FOXN4: variants seen among roughly 807,000 people sequenced by gnomAD.
The protein encoded by FOXN4 is forkhead box protein N4.
In FOXN4, 12 loss-of-function variants were observed where a neutral mutation model predicts 45.0. That is an observed-to-expected ratio of 0.27 (90% CI 0.17 to 0.43). FOXN4 has a LOEUF of 0.43. Ranked by LOEUF, FOXN4 falls within the 20% of genes least tolerant of loss-of-function variation. The pLI is 1.00. For missense variants in FOXN4, 560 were observed against 694.9 expected, an observed-to-expected ratio of 0.81 and a Z score of 2.18; for synonymous variants, 297 against 295.0, an observed-to-expected ratio of 1.01 and a Z score of -0.07.
At chr12:109,298,347 T>G (rs1340803689) in intron 2 of FOXN4, among the ~76,000 whole-genome samples, 1 of 151,284 alleles carries the variant, frequency 6.6e-6, no homozygotes, top group Non-Finnish European at 1.5e-5. Context: ...TTTTTTTGTT[T>G]TTTTTTTTTG....
intron 2 of FOXN4, among the ~76,000 whole-genome samples, chr12:109,305,941 G>C (rs1280450402): frequency 1.3e-5 from 2 of 152,070 alleles, no homozygotes; most frequent in African/African-American, 4.8e-5. Flanking sequence ...AGGCCCCCAA[G>C]AAGTTCTCTG....
Position 109,278,423 on chromosome 12 carries a change from C to G in FOXN4, c.*1248G>C, listed in dbSNP as rs2047624295. ...ACATTTGACTAGCTCACTCCCCTGTCTCTCTTCTAACCCAGCTATCTGCGG... is the reference window on the plus strand; with the variant it reads ...ACATTTGACTAGCTCACTCCCCTGTGTCTCTTCTAACCCAGCTATCTGCGG... On this transcript the variant is annotated 3_prime_UTR_variant, in exon 10 of 10. Transcript: ENST00000299162. The G allele has an allele frequency of 1.3e-5, 2 of 152,260 alleles. No homozygotes were observed. The highest frequency in any genetic ancestry group is 2.9e-5 in the Non-Finnish European group (2 of 68,052). 9.4% of individuals were successfully genotyped at this position (152,260 alleles called of 1,614,324 possible). A position where few individuals can be genotyped will look rare whatever the true frequency, so the allele number is the denominator to read the frequency against.
intron 2 of FOXN4, among the ~76,000 whole-genome samples, chr12:109,303,222 C>G (rs368195395): frequency 2.0e-5 from 3 of 152,130 alleles, no homozygotes; most frequent in African/African-American, 7.2e-5. Context: ...ATAAGGTCAC[C>G]TGAGGAGCTG....
In FOXN4 at chr12:109,288,115, C is replaced by T. The variant is rs1362686095; in HGVS notation, c.298G>A (p.Ala100Thr). 6.5e-7 allele frequency: 1 copy of T among 1,546,100 alleles called. No homozygotes were observed. Among genetic ancestry groups the T allele is most frequent in the African/African-American group, 1.4e-5 (1 of 72,860 alleles). Residue 100 changes from alanine to threonine, a missense_variant, in exon 4 of 10, where the codon GCA (alanine) becomes ACA (threonine). Physicochemically the swap from Ala to Thr is moderately conservative, Grantham distance 58 (BLOSUM62 0). Coordinates refer to ENST00000299162, the MANE Select transcript of FOXN4 (RefSeq NM_213596.3). This position sits in a 1 kb window ranked among gnomAD's most constrained non-coding sequence, Gnocchi z 4.3. ...GGCATGCCTCGGGGGGCCATGCCTG[C>T]TGGGCCATGGAGAAGGGGACTTGGA... The part of the protein sequence containing the change: ...ATPSPLLHGP[A>T]GMAPRGMPGL...
intron 2 of FOXN4, among the ~76,000 whole-genome samples, chr12:109,306,430 C>T (rs4766590): frequency 0.52 from 79,003 of 151,950 alleles, 21,183 homozygotes; most frequent in African/African-American, 0.64. Flanking sequence ...TTTTAAGGGG[C>T]GCTTTTAGGC....
intron 3 of FOXN4, among the ~76,000 whole-genome samples, chr12:109,289,594 T>C (rs1382516450): frequency 6.6e-6 from 1 of 152,252 alleles, no homozygotes; most frequent in East Asian, 1.9e-4. Flanking sequence ...TTTGCTATGA[T>C]TGCACCTAAC....
rs762307757 is a variant in FOXN4, at chr12:109,281,758, G to A, written c.943C>T (p.Arg315Trp). ...GGTTCCCCCGGTTTGCCGGGGCGCC[G>A]GCAGCTTTCAGGCCGGTCGGAGATC... ...KLISDRPESCRRPGKPGEPEA... is the reference protein window; with the variant it reads ...KLISDRPESCWRPGKPGEPEA... Residue 315 changes from arginine to tryptophan, a missense_variant, in exon 9 of 10, where the codon CGG becomes TGG. Physicochemically the swap from Arg to Trp is moderately radical, Grantham distance 101 (BLOSUM62 -3). Coordinates refer to ENST00000299162, the MANE Select transcript of FOXN4 (RefSeq NM_213596.3). The A allele has an allele frequency of 7.5e-6, 12 of 1,602,572 alleles. No homozygotes were observed. The highest frequency in any genetic ancestry group is 6.7e-5 in the East Asian group (3 of 44,730).
At chr12:109,283,017 AGTT>A (rs982842105) in intron 8 of FOXN4, among the ~76,000 whole-genome samples, 4 of 151,878 alleles carry the variant, frequency 2.6e-5, no homozygotes, top group Non-Finnish European at 2.9e-5. Flanking sequence ...CCCTGCCTTG[AGTT>A]GTTCATCCCC....
intron 8 of FOXN4, among the ~76,000 whole-genome samples, chr12:109,282,076 C>T (rs2047658761): frequency 6.6e-6 from 1 of 152,204 alleles, no homozygotes; most frequent in Admixed American, 6.5e-5. Context: ...ACATCTCTGC[C>T]CATCTAGCAA....
intron 2 of FOXN4, among the ~76,000 whole-genome samples, chr12:109,296,312 G>C (rs1395292966): frequency 6.6e-6 from 1 of 152,200 alleles, no homozygotes; most frequent in Non-Finnish European, 1.5e-5. Flanking sequence ...TCTCACTCAG[G>C]TGTGGTATGT....
At chr12:109,308,438 ACT>A (rs1491456500) in intron 1 of FOXN4, 114 bp from the exon 2 acceptor site, 23 of 651,302 alleles carry the variant, frequency 3.5e-5, no homozygotes, top group Non-Finnish European at 5.4e-5. Flanking sequence ...CTCACAGAAC[ACT>A]TTTTTTTTCT....
rs368290489 is a variant in FOXN4, at chr12:109,279,737, T to A, written c.1488A>T (p.Ala496=). ...ACTGGGAGGAGGAGCTGGTGCCCGA[T>A]GCAGCCACACTGTCCGGAGTGGAGT... ...TAYSTPDSVA[A]SGTSSSSQYL... Residue 496 remains alanine (A), a synonymous_variant, in exon 10 of 10, where the codon GCA becomes GCT. Transcript: ENST00000299162. 6 of 1,583,048 alleles carry A rather than the reference T, an allele frequency of 3.8e-6. No homozygotes were observed. Among genetic ancestry groups the A allele is most frequent in the Non-Finnish European group, 5.1e-6 (6 of 1,165,070 alleles).
Position 109,291,352 on chromosome 12 carries a change from C to T in FOXN4, c.87-1066G>A, listed in dbSNP as rs2047766650. On this transcript the variant is annotated intron_variant, in intron 2 of 9. Coordinates refer to ENST00000299162, the MANE Select transcript of FOXN4 (RefSeq NM_213596.3). The surrounding 1 kb of genome is among the most constrained non-coding windows in gnomAD (Gnocchi z 6.6). ...CACACGCCCGACTCCACCACATCTG[C>T]CACCCCTGTAGCCAGGGGCTTTCTG... Among the ~76,000 whole-genome samples the T allele has an allele frequency of 2.0e-5, 3 of 152,150 alleles. No homozygotes were observed. Among genetic ancestry groups the T allele is most frequent in the Admixed American group, 6.5e-5 (1 of 15,282 alleles).
intron 2 of FOXN4, among the ~76,000 whole-genome samples, chr12:109,306,113 C>T (rs2047919888): frequency 6.6e-6 from 1 of 152,184 alleles, no homozygotes; most frequent in Non-Finnish European, 1.5e-5. Context: ...TTCTCCCACC[C>T]TCCAAGTTCC....
At position 109,281,493 on chromosome 12, in the gene FOXN4, G is replaced by A. The variant is rs867172117; in HGVS notation, c.1208C>T (p.Ala403Val). ...SPLPHPAMGR[A>V]PVDFINISTD... The stretch of plus-strand genomic sequence containing the variant: ...GCTGATGTTGATGAAGTCTACAGGA[G>A]CCCTTCCCATGGCGGGGTGGGGGAG... Residue 403 changes from alanine (A) to valine (V), a missense_variant, in exon 9 of 10, where the codon GCT becomes GTT. Ala to Val is a moderately conservative substitution (Grantham distance 64). This residue lies in a region of FOXN4 where 315 missense variants were observed against 350.5 expected (regional missense o/e 0.90). Coordinates refer to ENST00000299162, the MANE Select transcript of FOXN4 (RefSeq NM_213596.3). The A allele has an allele frequency of 3.7e-6, 6 of 1,613,868 alleles. No homozygotes were observed. The highest frequency in any genetic ancestry group is 2.7e-5 in the African/African-American group (2 of 74,942).
chr12:109,286,862 C>A, intron 6 of FOXN4, 118 bp from the exon 7 acceptor site: 1 of 1,455,860 alleles, frequency 6.9e-7, no homozygotes, highest in Non-Finnish European at 9.0e-7. Flanking sequence ...CTGCTTGACC[C>A]TAAACACTCA....
chr12:109,282,913 G>C (rs1410260986), intron 8 of FOXN4, among the ~76,000 whole-genome samples: 1 of 151,674 alleles, frequency 6.6e-6, no homozygotes. Flanking sequence ...TACTGGCCCT[G>C]GGTCTCAAGC....
intron 2 of FOXN4, among the ~76,000 whole-genome samples, chr12:109,300,150 G>A (rs1390158435): frequency 1.3e-5 from 2 of 152,240 alleles, no homozygotes; most frequent in Middle Eastern, 3.2e-3. Flanking sequence ...ATCTCCTGAA[G>A]AGTATGGAGA....
intron 8 of FOXN4, among the ~76,000 whole-genome samples, chr12:109,285,042 TG>T (rs1228941610): frequency 6.7e-6 from 1 of 149,528 alleles, no homozygotes; most frequent in African/African-American, 2.5e-5. Context: ...TGAGTGCATT[TG>T]TGTGTGTGCG....
Sources: allele counts gnomAD v4.1 joint callset (sites outside exome capture counted in the v4.1 genomes callset), GRCh38; gene constraint gnomAD v4.1.1; regional missense constraint gnomAD v4.1.1; non-coding constraint Gnocchi (gnomAD v3.1); transcripts MANE v1.5; gene names NCBI Gene and HGNC (gene_info 2026-07-23, HGNC 2026-07-21).